ATE1: variants seen among roughly 807,000 people sequenced by gnomAD.
ATE1 encodes arginyl-tRNA--protein transferase 1.
In ATE1, 36 loss-of-function variants were observed where a neutral mutation model predicts 70.5. The observed-to-expected ratio is 0.51, with a 90% CI of 0.39 to 0.67. The LOEUF is 0.67. Ranked by LOEUF, ATE1 falls within the 30% of genes least tolerant of loss-of-function variation. The pLI is 0.00. For missense variants in ATE1, 593 were observed against 629.5 expected, an observed-to-expected ratio of 0.94 and a Z score of 0.62; for synonymous variants, 232 against 219.3, an observed-to-expected ratio of 1.06 and a Z score of -0.51.
rs1590589246 is a variant in ATE1, at chr10:121,873,936, A to G, written c.943-3898T>C. Among the ~76,000 whole-genome samples the G allele has an allele frequency of 2.0e-5, 3 of 152,258 alleles. No individual in the cohort carries two copies. In the Middle Eastern group the frequency reaches 0.01, roughly 518 times the overall value. Reference sequence around the variant, plus strand: ...ATCAGTAAGGTGTCACTATTTGCCAAAGTGAAATTCCAAATCTTATAACTA... The same window carrying G: ...ATCAGTAAGGTGTCACTATTTGCCAGAGTGAAATTCCAAATCTTATAACTA... On this transcript the variant is annotated intron_variant, in intron 7 of 11. Transcript: ENST00000224652.
chr10:121,802,800 A>G (rs1240328887), intron 10 of ATE1, among the ~76,000 whole-genome samples: 1 of 152,206 alleles, frequency 6.6e-6, no homozygotes. Flanking sequence ...TAAGGACTTA[A>G]GCATGGTCCT....
intron 4 of ATE1, 74 bp from the exon 5 acceptor site, chr10:121,911,225 G>GGATAATAGGAACATTGTA: frequency 6.6e-7 from 1 of 1,525,170 alleles, no homozygotes; most frequent in Non-Finnish European, 8.8e-7. Flanking sequence ...GAAATACAAT[G>GGATAATAGGAACATTGTA]TTCCTATTAT....
At chr10:121,848,612 CAA>C (rs148470774) in intron 8 of ATE1, among the ~76,000 whole-genome samples, 10 of 117,418 alleles carry the variant, frequency 8.5e-5, no homozygotes, top group Middle Eastern at 4.4e-3. Context: ...GAGTGAAACT[CAA>C]AAAAAAAAAA....
chr10:121,917,021 A>T (rs1951688714), intron 3 of ATE1, among the ~76,000 whole-genome samples: 1 of 151,928 alleles, frequency 6.6e-6, no homozygotes, highest in Admixed American at 6.6e-5. Flanking sequence ...AAACTTAGCC[A>T]GGCATAGTGG....
intron 11 of ATE1, among the ~76,000 whole-genome samples, chr10:121,757,790 C>T (rs1944869207): frequency 6.6e-6 from 1 of 152,218 alleles, no homozygotes; most frequent in Admixed American, 6.5e-5. Context: ...TACAAGATGA[C>T]ATTTGGGTGG....
chr10:121,891,173 G>A (rs1950565813), intron 7 of ATE1, among the ~76,000 whole-genome samples: 2 of 152,130 alleles, frequency 1.3e-5, no homozygotes, highest in African/African-American at 2.4e-5. Context: ...GTGGCAGAAG[G>A]CAATCGGTTT....
intron 10 of ATE1, among the ~76,000 whole-genome samples, chr10:121,790,929 A>T (rs2133277560): frequency 7.0e-6 from 1 of 142,184 alleles, no homozygotes; most frequent in Middle Eastern, 3.7e-3. Flanking sequence ...CCATTTAAAA[A>T]TTTTATGTGT....
At position 121,740,643 on chromosome 10, in the gene ATE1, T is replaced by A. The variant is rs1944121834; in HGVS notation, c.*3037A>T. ...TTCAAGTTAGCAACGACAGATACAT[T>A]TTAGTTAACTGTTTCATATTCCTTA... is the stretch of plus-strand genomic sequence containing the variant. On this transcript the variant is annotated 3_prime_UTR_variant, in exon 12 of 12. Transcript: ENST00000224652. 1 of 152,220 alleles carries A rather than the reference T, an allele frequency of 6.6e-6. No individual in the cohort carries two copies. The highest frequency in any genetic ancestry group is 2.1e-4 in the South Asian group (1 of 4,832). 9.4% of individuals were successfully genotyped at this position (152,220 alleles called of 1,614,324 possible).
intron 10 of ATE1, among the ~76,000 whole-genome samples, chr10:121,828,717 G>T (rs2133671351): frequency 6.6e-6 from 1 of 152,254 alleles, no homozygotes; most frequent in East Asian, 1.9e-4. Flanking sequence ...CCCTGACGGT[G>T]GACAGCTTTG....
At chr10:121,875,489 G>T (rs973233157) in intron 7 of ATE1, among the ~76,000 whole-genome samples, 1 of 151,892 alleles carries the variant, frequency 6.6e-6, no homozygotes, top group African/African-American at 2.4e-5. Context: ...ATTTTTAGTA[G>T]AGACGGGGTT....
intron 9 of ATE1, 93 bp downstream of exon 9, chr10:121,840,989 G>T: frequency 8.8e-7 from 1 of 1,137,162 alleles, no homozygotes; most frequent in Non-Finnish European, 1.2e-6. Flanking sequence ...TGTCAATTAG[G>T]ACTTCTACTG....
At chr10:121,925,581 A>G (rs573079620) in intron 1 of ATE1, among the ~76,000 whole-genome samples, 19 of 152,300 alleles carry the variant, frequency 1.2e-4, no homozygotes, top group African/African-American at 4.3e-4. Context: ...AAGGCATATC[A>G]GAACTAAAGG....
Position 121,743,873 on chromosome 10 carries a change from AATACTGATTTGTAAAAT to A in ATE1, c.1379-32_1379-16del, listed in dbSNP as rs1944232048. On this transcript the variant is annotated splice_polypyrimidine_tract_variant and intron_variant, in intron 11 of 11. Transcript: ENST00000224652. ...ATCCTCATCCACTGCAACGACAAAA[AATACTGATTTGTAAAAT>A]GTCACATATCAAAACTTTTTGTTTC... 2 of 1,575,012 alleles carry A rather than the reference AATACTGATTTGTAAAAT, an allele frequency of 1.3e-6. No individual in the cohort carries two copies. The highest frequency in any genetic ancestry group is 1.4e-5 in the African/African-American group (1 of 72,516).
chr10:121,913,405 G>C (rs983938955), intron 4 of ATE1, among the ~76,000 whole-genome samples: 2 of 152,184 alleles, frequency 1.3e-5, no homozygotes, highest in Admixed American at 1.3e-4. Context: ...AAAAGGAATA[G>C]GGCAATCTTG....
chr10:121,879,025 G>T (rs772167066), intron 7 of ATE1, among the ~76,000 whole-genome samples: 4 of 152,156 alleles, frequency 2.6e-5, no homozygotes, highest in Non-Finnish European at 5.9e-5. Context: ...ACAAATAGGT[G>T]TTTAGGTAAC....
rs370584857 is a variant in ATE1 at position 121,908,846 on chromosome 10, T to C, written c.583+2060A>G. Among the ~76,000 whole-genome samples the C allele has an allele frequency of 3.5e-4, 53 of 152,330 alleles. No homozygotes were observed. In the South Asian group the frequency reaches 7.7e-3, roughly 22 times the overall value. Reference sequence around the variant, plus strand: ...AGCCTAGAATCTGATCAAGGCTCTATATCCAACTATCAATTTATAAGCGGG... The same window carrying C: ...AGCCTAGAATCTGATCAAGGCTCTACATCCAACTATCAATTTATAAGCGGG... On this transcript the variant is annotated intron_variant, in intron 5 of 11. Transcript: ENST00000224652.
In ATE1 at chr10:121,885,887, G is replaced by C. The variant is rs538344874; in HGVS notation, c.942+13979C>G. 6.6e-5 allele frequency among the ~76,000 whole-genome samples: 10 copies of C among 152,164 alleles called. No homozygotes were observed. The South Asian group carries it at 2.1e-3, about 32-fold the overall frequency. On this transcript the variant is annotated intron_variant, in intron 7 of 11. Coordinates refer to ENST00000224652, the MANE Select transcript of ATE1 (RefSeq NM_001001976.3). ...TGAGCTTTAGCCTTGGCAACAGAGG[G>C]AAAGACTGTCTCTAAATAAATAAAT...
In ATE1 at chr10:121,924,174, C is replaced by T. The variant is rs186814557; in HGVS notation, c.170+92G>A. ...AATATAATAAAAATTTTTCTTAAACCTCTTTCCAACAGGAAAGCATTTCAA... is the reference window on the plus strand; with the variant it reads ...AATATAATAAAAATTTTTCTTAAACTTCTTTCCAACAGGAAAGCATTTCAA... On this transcript the variant is annotated intron_variant, in intron 2 of 11. Transcript: ENST00000224652. 1.5e-5 allele frequency: 19 copies of T among 1,252,558 alleles called. No individual in the cohort carries two copies. The African/African-American group carries it at 2.7e-4, about 18-fold the overall frequency. 77.6% of individuals were successfully genotyped at this position (1,252,558 alleles called of 1,614,324 possible).
intron 10 of ATE1, among the ~76,000 whole-genome samples, chr10:121,822,620 C>T (rs1269325131): frequency 6.6e-6 from 1 of 152,180 alleles, no homozygotes; most frequent in Non-Finnish European, 1.5e-5. Flanking sequence ...TGAAAGGGAA[C>T]TTCTAAAATT....
Sources: allele counts gnomAD v4.1 joint callset (sites outside exome capture counted in the v4.1 genomes callset), GRCh38; gene constraint gnomAD v4.1.1; transcripts MANE v1.5; gene names NCBI Gene and HGNC (gene_info 2026-07-23, HGNC 2026-07-21).